HNRNPLL: variants seen among roughly 807,000 people sequenced by gnomAD.
HNRNPLL encodes heterogeneous nuclear ribonucleoprotein L like.
HNRNPLL carries 25 observed loss-of-function variants against 67.1 expected under a neutral mutation model. The observed-to-expected ratio is 0.37, with a 90% confidence interval of 0.27 to 0.52. HNRNPLL has a LOEUF of 0.52. HNRNPLL is among the 20% of genes least tolerant of loss of function. The pLI is 0.90. For synonymous variants in HNRNPLL, 267 were observed against 241.7 expected (o/e 1.10, Z -0.97); for missense variants, 542 against 673.9 (o/e 0.80, Z 2.17).
intron 3 of HNRNPLL, among the ~76,000 whole-genome samples, chr2:38,585,263 T>TA (rs1481494184): frequency 9.2e-5 from 14 of 152,358 alleles, no homozygotes; most frequent in Admixed American, 7.8e-4. Flanking sequence ...TTCATAATGA[T>TA]ATGTGCATCT....
intron 1 of HNRNPLL, 110 bp from the exon 2 acceptor site, chr2:38,591,758 T>C (rs1277129640): frequency 3.3e-6 from 2 of 607,904 alleles, no homozygotes; most frequent in Non-Finnish European, 2.9e-6. Context: ...GGAGGGTCAT[T>C]TGAGGTCAGG....
At chr2:38,596,600 C>A (rs1166025373) in intron 1 of HNRNPLL, among the ~76,000 whole-genome samples, 1 of 152,146 alleles carries the variant, frequency 6.6e-6, no homozygotes, top group Non-Finnish European at 1.5e-5. Flanking sequence ...TTCTTTTAAG[C>A]ATCATACTAT....
intron 8 of HNRNPLL, among the ~76,000 whole-genome samples, chr2:38,570,878 A>G (rs1446537826): frequency 6.6e-6 from 1 of 150,580 alleles, no homozygotes; most frequent in Non-Finnish European, 1.5e-5. Context: ...CCCCATCTCT[A>G]CAAAAAAAAA....
intron 2 of HNRNPLL, 94 bp from the exon 3 acceptor site, chr2:38,585,975 TG>T: frequency 1.2e-6 from 1 of 821,176 alleles, no homozygotes; most frequent in Non-Finnish European, 2.1e-6. Flanking sequence ...TTAATAAAAA[TG>T]TGTCAAATCC....
rs1381170342 is a variant in HNRNPLL, at chr2:38,562,729, T to G, written c.*1453A>C. ...AATACTTCTAGATTAAATTTAATTT[T>G]TTCTTTATCTTTAGAGGGCTAAATG... On this transcript the variant is annotated 3_prime_UTR_variant, in exon 13 of 13. Transcript: ENST00000449105. 6.6e-6 allele frequency: 1 copy of G among 152,096 alleles called. No individual in the cohort carries two copies. The highest frequency in any genetic ancestry group is 6.5e-5 in the Admixed American group (1 of 15,268). The allele number at this position is 152,096 out of a possible 1,614,324, so 9.4% of individuals were successfully genotyped here.
intron 1 of HNRNPLL, 115 bp from the exon 2 acceptor site, chr2:38,591,763 G>A (rs1341670385): frequency 1.7e-6 from 1 of 583,252 alleles, no homozygotes; most frequent in Non-Finnish European, 3.1e-6. Flanking sequence ...GTCATTTGAG[G>A]TCAGGAGTTC....
At chr2:38,597,922 C>T (rs569061430) in intron 1 of HNRNPLL, among the ~76,000 whole-genome samples, 1 of 151,980 alleles carries the variant, frequency 6.6e-6, no homozygotes, top group Admixed American at 6.5e-5. Flanking sequence ...CTCCTAACCT[C>T]GTGATCCACC....
chr2:38,573,545 G>C (rs924300811), intron 7 of HNRNPLL, 118 bp from the exon 8 acceptor site: 4 of 668,452 alleles, frequency 6.0e-6, no homozygotes, highest in East Asian at 5.6e-5. Flanking sequence ...TAGCTAGTTT[G>C]ATGTACAAAG....
intron 2 of HNRNPLL, among the ~76,000 whole-genome samples, chr2:38,590,584 C>A (rs1421461292): frequency 6.6e-6 from 1 of 152,174 alleles, no homozygotes; most frequent in Non-Finnish European, 1.5e-5. Context: ...CTATTTTTGG[C>A]AGCAGATTCA....
chr2:38,574,429 C>T lies in HNRNPLL; in HGVS notation c.875-1002G>A, dbSNP rs146001288. On this transcript the variant is annotated intron_variant, in intron 7 of 12. Coordinates refer to ENST00000449105, the MANE Select transcript of HNRNPLL (RefSeq NM_138394.4). The stretch of plus-strand genomic sequence containing the variant: ...CAACATCTAGGGTACATGCAAAGGT[C>T]CCCCTGATGTGCAAAACCAATCCAA... Among the ~76,000 whole-genome samples, 226 of 151,932 alleles carry T rather than the reference C, an allele frequency of 1.5e-3. 1 individual carries two copies. Among genetic ancestry groups the T allele is most frequent in the Non-Finnish European group, 2.4e-3 (166 of 67,820 alleles).
At chr2:38,602,267 G>A (rs1667472641) in intron 1 of HNRNPLL, 171 bp downstream of exon 1, 2 of 614,614 alleles carry the variant, frequency 3.3e-6, no homozygotes, top group Non-Finnish European at 5.3e-6. Context: ...GTCGGGATGC[G>A]GGAAACAGGT....
rs761408128 is a variant in HNRNPLL, at chr2:38,573,446, T to A, written c.875-19A>T. On this transcript the variant is annotated intron_variant, in intron 7 of 12. Transcript: ENST00000449105. ...TGGGATCCTATAAAAATGATCAAAA[T>A]AAATAAATTAGTTAACATATACACA... 10 of 1,503,450 alleles carry A rather than the reference T, an allele frequency of 6.7e-6. No individual in the cohort carries two copies. In the Admixed American group the frequency reaches 1.8e-4, roughly 27 times the overall value. 93.1% of individuals were successfully genotyped at this position (1,503,450 alleles called of 1,614,324 possible).
At chr2:38,582,229 A>G in intron 4 of HNRNPLL, 61 bp from the exon 5 acceptor site, 1 of 1,050,446 alleles carries the variant, frequency 9.5e-7, no homozygotes, top group Non-Finnish European at 1.5e-6. Flanking sequence ...ATTCACTCCC[A>G]AAGGACAGGA....
At chr2:38,599,405 A>G (rs577695587) in intron 1 of HNRNPLL, among the ~76,000 whole-genome samples, 56 of 152,346 alleles carry the variant, frequency 3.7e-4, no homozygotes, top group Non-Finnish European at 7.2e-4. Context: ...TGCCTTCTTA[A>G]AAGAAGATAC....
chr2:38,580,883 A>C (rs930749631), intron 6 of HNRNPLL, among the ~76,000 whole-genome samples: 1 of 152,230 alleles, frequency 6.6e-6, no homozygotes, highest in Non-Finnish European at 1.5e-5. Flanking sequence ...CTAGTTACAC[A>C]AATTGACAGT....
Position 38,579,888 on chromosome 2 carries a change from C to T in HNRNPLL, c.802+2025G>A, listed in dbSNP as rs189615778. 3.3e-5 allele frequency among the ~76,000 whole-genome samples: 5 copies of T among 152,162 alleles called. No individual in the cohort carries two copies. The East Asian group carries it at 9.6e-4, about 29-fold the overall frequency. On this transcript the variant is annotated intron_variant, in intron 6 of 12. Coordinates refer to ENST00000449105, the MANE Select transcript of HNRNPLL (RefSeq NM_138394.4). ...TGTTATGGTCTCGCAAGACAAATAT[C>T]TGTAAGGAATTAGAAAACAAAAAAT...
intron 12 of HNRNPLL, among the ~76,000 whole-genome samples, chr2:38,566,446 C>CACTTG (rs1665865021): frequency 6.7e-6 from 1 of 150,340 alleles, no homozygotes; most frequent in African/African-American, 2.4e-5. Context: ...TTAACAATTT[C>CACTTG]ACTTGACTTG....
In HNRNPLL at chr2:38,592,386, AG is replaced by A. The variant is rs145400194; in HGVS notation, c.190-739del. On this transcript the variant is annotated intron_variant, in intron 1 of 12. Transcript: ENST00000449105. ...ATACTTATCTTTCCTGTAACGTAGT[AG>A]ATTTGTATCATCTTTTGTTCTTGTT... Among the ~76,000 whole-genome samples the A allele has an allele frequency of 3.1e-3, 470 of 152,362 alleles. 3 individuals carry two copies. Among genetic ancestry groups the A allele is most frequent in the African/African-American group, 0.011 (446 of 41,582 alleles).
intron 1 of HNRNPLL, among the ~76,000 whole-genome samples, chr2:38,598,015 T>A (rs1667276581): frequency 7.0e-6 from 1 of 143,754 alleles, no homozygotes; most frequent in Admixed American, 6.9e-5. Context: ...AAAAACAAAC[T>A]TTTTTTTTTT....
Sources: allele counts gnomAD v4.1 joint callset (sites outside exome capture counted in the v4.1 genomes callset), GRCh38; gene constraint gnomAD v4.1.1; transcripts MANE v1.5; gene names NCBI Gene and HGNC (gene_info 2026-07-23, HGNC 2026-07-21).